GPR176: variants seen among roughly 807,000 people sequenced by gnomAD.
GPR176 encodes G-protein coupled receptor 176.
In GPR176, 26 loss-of-function variants were observed where a neutral mutation model predicts 35.4. That is an observed-to-expected ratio of 0.74 (90% confidence interval 0.54 to 1.02). GPR176 has a LOEUF of 1.02. Among genes scored for constraint, GPR176 ranks in the 50% least tolerant of loss-of-function variants. The pLI is 0.00. For missense variants in GPR176, 597 were observed against 665.3 expected, an observed-to-expected ratio of 0.90 and a Z score of 1.13; for synonymous variants, 278 against 271.3, an observed-to-expected ratio of 1.02 and a Z score of -0.24.
intron 1 of GPR176, among the ~76,000 whole-genome samples, chr15:39,891,539 A>G (rs937702280): frequency 6.6e-6 from 1 of 152,224 alleles, no homozygotes; most frequent in East Asian, 1.9e-4. Context: ...TGGTCTCACT[A>G]TGTTTCCCAG....
At chr15:39,914,556 C>T (rs1048460403) in intron 1 of GPR176, among the ~76,000 whole-genome samples, 2 of 152,112 alleles carry the variant, frequency 1.3e-5, no homozygotes, top group African/African-American at 2.4e-5. Context: ...GTGATCTGCC[C>T]GCCTTGGCCT....
At chr15:39,912,135 G>A (rs574137809) in intron 1 of GPR176, among the ~76,000 whole-genome samples, 40 of 152,268 alleles carry the variant, frequency 2.6e-4, no homozygotes, top group African/African-American at 9.6e-4. Flanking sequence ...AATAAAAACT[G>A]AAAATGAGAG....
chr15:39,816,352 C>T (rs1899906512), intron 1 of GPR176, among the ~76,000 whole-genome samples: 1 of 151,880 alleles, frequency 6.6e-6, no homozygotes, highest in Non-Finnish European at 1.5e-5. Context: ...CCACATTATA[C>T]ACCTATTTCA....
intron 1 of GPR176, among the ~76,000 whole-genome samples, chr15:39,900,485 A>C (rs1478158431): frequency 6.6e-6 from 1 of 152,222 alleles, no homozygotes; most frequent in Non-Finnish European, 1.5e-5. Flanking sequence ...TATTAATAAT[A>C]AGAATGCCTA....
intron 1 of GPR176, among the ~76,000 whole-genome samples, chr15:39,851,550 T>G (rs193028260): frequency 6.6e-6 from 1 of 152,170 alleles, no homozygotes; most frequent in South Asian, 2.1e-4. Flanking sequence ...AGAAAACTTA[T>G]TTGCCCTGAG....
intron 1 of GPR176, among the ~76,000 whole-genome samples, chr15:39,851,785 T>A (rs186603890): frequency 1.1e-4 from 17 of 152,276 alleles, no homozygotes; most frequent in Admixed American, 8.5e-4. Context: ...AACATATATT[T>A]TAGCACATGA....
At chr15:39,842,185 G>A (rs766615168) in intron 1 of GPR176, among the ~76,000 whole-genome samples, 1 of 152,126 alleles carries the variant, frequency 6.6e-6, no homozygotes, top group Non-Finnish European at 1.5e-5. Context: ...CAGTTCCACA[G>A]GCTGTATAGG....
intron 1 of GPR176, among the ~76,000 whole-genome samples, chr15:39,858,680 T>C (rs1300472455): frequency 3.9e-5 from 6 of 152,150 alleles, no homozygotes; most frequent in Admixed American, 2.6e-4. Context: ...ACCATTGTAC[T>C]CCAGCTCAGG....
rs373761449 is a variant in GPR176 at position 39,801,385 on chromosome 15, G to C, written c.1295C>G (p.Ser432Cys). ...CACAGGGGCTGCCGGTGCCACCTGG[G>C]ATACAGAGTCCACTGTGCTCAGGGG... Reference protein sequence around the residue: ...APPLSTVDSVSQVAPAAPVEP... With the variant: ...APPLSTVDSVCQVAPAAPVEP... The change falls in exon 3 of 3, where the codon TCC (serine) becomes TGC (cysteine). Residue 432 changes from serine to cysteine, a missense_variant. This residue lies in a region of GPR176 where 251 missense variants were observed against 255.4 expected (regional missense o/e 0.98). Transcript: ENST00000561100. 6.2e-7 allele frequency: 1 copy of C among 1,614,212 alleles called. No individual in the cohort carries two copies. The highest frequency in any genetic ancestry group is 8.5e-7 in the Non-Finnish European group (1 of 1,180,044).
intron 1 of GPR176, among the ~76,000 whole-genome samples, chr15:39,837,893 T>C (rs183916): frequency 0.38 from 57,086 of 151,178 alleles, 11,453 homozygotes; most frequent in African/African-American, 0.46. Context: ...GTGGCTCATG[T>C]CTGTAATCCC....
At chr15:39,860,061 T>C (rs773833340) in intron 1 of GPR176, among the ~76,000 whole-genome samples, 30 of 152,074 alleles carry the variant, frequency 2.0e-4, no homozygotes, top group Non-Finnish European at 3.8e-4. Flanking sequence ...TATAGGCCAC[T>C]TGTATTAATT....
rs115174190 is a variant in GPR176, at chr15:39,815,940, T to C, written c.173-8682A>G. 4.3e-3 allele frequency among the ~76,000 whole-genome samples: 655 copies of C among 152,334 alleles called. 6 individuals carry two copies. The highest frequency in any genetic ancestry group is 0.015 in the African/African-American group (619 of 41,572). ...AATGGATAAATGGACGAATGGCATA[T>C]ATACACAACAGAATACTGCAGCCTT... is the stretch of plus-strand genomic sequence containing the variant. On this transcript the variant is annotated intron_variant, in intron 1 of 2. Transcript: ENST00000561100.
chr15:39,878,472 T>TTG (rs3066143), intron 1 of GPR176, among the ~76,000 whole-genome samples: 75,773 of 147,932 alleles, frequency 0.51, 19,858 homozygotes, highest in Middle Eastern at 0.71. Context: ...CAAATAATAT[T>TTG]TGTGTGTGTG....
At chr15:39,835,391 A>C (rs1901335431) in intron 1 of GPR176, among the ~76,000 whole-genome samples, 1 of 152,128 alleles carries the variant, frequency 6.6e-6, no homozygotes, top group African/African-American at 2.4e-5. Flanking sequence ...AAATTTTATT[A>C]AAAAACAAAA....
intron 1 of GPR176, among the ~76,000 whole-genome samples, chr15:39,888,101 C>G (rs904464524): frequency 6.6e-6 from 1 of 152,208 alleles, no homozygotes; most frequent in Non-Finnish European, 1.5e-5. Context: ...TTTCTGCAGT[C>G]ATTTATCTAA....
In GPR176 at chr15:39,895,861, C is replaced by T. The variant is rs1273479875; in HGVS notation, c.172+23994G>A. ...TCAGTTAAATTACTTACCCTTTACT[C>T]TTCCACAATTATTGGTAAAACTATA... On this transcript the variant is annotated intron_variant, in intron 1 of 2. Transcript: ENST00000561100. 4.6e-5 allele frequency among the ~76,000 whole-genome samples: 7 copies of T among 152,144 alleles called. 1 individual carries two copies. Among genetic ancestry groups the T allele is most frequent in the Non-Finnish European group, 1.0e-4 (7 of 68,018 alleles).
chr15:39,917,950 C>G (rs1177262596), intron 1 of GPR176, among the ~76,000 whole-genome samples: 1 of 148,936 alleles, frequency 6.7e-6, no homozygotes, highest in Non-Finnish European at 1.5e-5. Flanking sequence ...GGGGCTGAGG[C>G]AGGAGAATCA....
At chr15:39,895,346 C>G (rs1364269661) in intron 1 of GPR176, among the ~76,000 whole-genome samples, 1 of 151,106 alleles carries the variant, frequency 6.6e-6, no homozygotes, top group African/African-American at 2.4e-5. Flanking sequence ...TCCCACCAGC[C>G]AATACACATG....
At chr15:39,820,384 T>C (rs1416483784) in intron 1 of GPR176, among the ~76,000 whole-genome samples, 1 of 152,116 alleles carries the variant, frequency 6.6e-6, no homozygotes, top group Admixed American at 6.6e-5. Flanking sequence ...TCACAGGCCA[T>C]GAGAGCCAGC....
Sources: allele counts gnomAD v4.1 joint callset (sites outside exome capture counted in the v4.1 genomes callset), GRCh38; gene constraint gnomAD v4.1.1; regional missense constraint gnomAD v4.1.1; transcripts MANE v1.5; gene names NCBI Gene and HGNC (gene_info 2026-07-23, HGNC 2026-07-21).